The following PLCXD3 variants were observed in gnomAD, a reference collection of about 807,000 sequenced individuals.
PLCXD3 encodes PI-PLC X domain-containing protein 3.
PLCXD3 carries 19 observed loss-of-function variants against 25.5 expected under a neutral mutation model. The observed-to-expected ratio is 0.75, with a 90% CI of 0.52 to 1.09. The LOEUF (loss-of-function observed/expected upper bound fraction) is 1.09, where lower values mean the gene tolerates loss of function less well. Among genes scored for constraint, PLCXD3 ranks in the 50% least tolerant of loss-of-function variants. PLCXD3 has a pLI of 0.00. For synonymous variants in PLCXD3, 174 were observed against 137.6 expected (o/e 1.26, Z -1.85); for missense variants, 411 against 388.1 (o/e 1.06, Z -0.50).
intron 2 of PLCXD3, among the ~76,000 whole-genome samples, chr5:41,325,673 T>C (rs1012118695): frequency 6.6e-6 from 1 of 152,214 alleles, no homozygotes. Flanking sequence ...ATACTTGGTG[T>C]TGGACAGGTA....
chr5:41,457,736 A>G (rs747311760), intron 1 of PLCXD3, among the ~76,000 whole-genome samples: 16 of 152,026 alleles, frequency 1.1e-4, no homozygotes, highest in Non-Finnish European at 1.5e-4. Flanking sequence ...CTTAAAGCTG[A>G]TGAGGTACAT....
chr5:41,505,159 G>A (rs1003367117), intron 1 of PLCXD3, among the ~76,000 whole-genome samples: 23 of 152,102 alleles, frequency 1.5e-4, no homozygotes, highest in African/African-American at 5.6e-4. Context: ...TAAAGCTTAT[G>A]GGCCTTAACG....
At chr5:41,421,700 C>CA (rs1047374792) in intron 1 of PLCXD3, among the ~76,000 whole-genome samples, 3 of 151,884 alleles carry the variant, frequency 2.0e-5, no homozygotes, top group South Asian at 2.1e-4. Context: ...GACTCCTTCT[C>CA]AAAAAAACAA....
chr5:41,354,230 C>G (rs1744554611), intron 2 of PLCXD3, among the ~76,000 whole-genome samples: 2 of 152,182 alleles, frequency 1.3e-5, no homozygotes, highest in Non-Finnish European at 2.9e-5. Context: ...CCGGACTTCT[C>G]TCTGGATGCT....
chr5:41,510,512 C>T lies in PLCXD3; in HGVS notation c.15G>A (p.Gln5=), dbSNP rs774195589. The T allele has an allele frequency of 1.2e-6, 2 of 1,613,226 alleles. No homozygotes were observed. The highest frequency in any genetic ancestry group is 8.5e-7 in the Non-Finnish European group (1 of 1,179,514). The change falls in exon 1 of 3, where the codon CAG becomes CAA. Residue 5 remains glutamine (Q), a synonymous_variant. Coordinates refer to ENST00000377801, the MANE Select transcript of PLCXD3 (RefSeq NM_001005473.3). MASS[Q]GKNELKLADW... ...CGGCTAATTTCAGCTCGTTTTTCCCCTGAGACGAGGCCATCGTGCCAGTCG... is the reference window on the plus strand; with the variant it reads ...CGGCTAATTTCAGCTCGTTTTTCCCTTGAGACGAGGCCATCGTGCCAGTCG...
chr5:41,345,381 C>G (rs539986832), intron 2 of PLCXD3, among the ~76,000 whole-genome samples: 2 of 152,086 alleles, frequency 1.3e-5, no homozygotes, highest in African/African-American at 4.8e-5. Flanking sequence ...GAAATTGGAA[C>G]CCATTATGCT....
intron 1 of PLCXD3, among the ~76,000 whole-genome samples, chr5:41,428,242 ATAT>A (rs1027469720): frequency 1.1e-4 from 17 of 152,256 alleles, no homozygotes; most frequent in Non-Finnish European, 1.9e-4. Flanking sequence ...TGTATTAAAA[ATAT>A]TATTTCAACC....
chr5:41,385,541 A>C (rs937430151), intron 1 of PLCXD3, among the ~76,000 whole-genome samples: 1 of 152,098 alleles, frequency 6.6e-6, no homozygotes, highest in Non-Finnish European at 1.5e-5. Flanking sequence ...GTTTCTCCTC[A>C]GTGTGATAAA....
chr5:41,332,449 T>G (rs1743847136), intron 2 of PLCXD3, among the ~76,000 whole-genome samples: 1 of 152,000 alleles, frequency 6.6e-6, no homozygotes, highest in Non-Finnish European at 1.5e-5. Flanking sequence ...AAACAACAGG[T>G]GCTGGAGAGG....
At chr5:41,505,349 A>G (rs938808985) in intron 1 of PLCXD3, among the ~76,000 whole-genome samples, 3 of 152,218 alleles carry the variant, frequency 2.0e-5, no homozygotes, top group Non-Finnish European at 4.4e-5. Context: ...TATGCTTCAA[A>G]TAAATGAGAT....
At chr5:41,374,231 A>G (rs894521857) in intron 2 of PLCXD3, among the ~76,000 whole-genome samples, 4 of 152,080 alleles carry the variant, frequency 2.6e-5, no homozygotes, top group Admixed American at 2.6e-4. Context: ...TAAGAATGAA[A>G]CACTTTGAGC....
At chr5:41,323,663 C>A (rs927062479) in intron 2 of PLCXD3, among the ~76,000 whole-genome samples, 2 of 152,184 alleles carry the variant, frequency 1.3e-5, no homozygotes, top group Non-Finnish European at 2.9e-5. Flanking sequence ...CAATTAGATG[C>A]TGCTGAAGTA....
chr5:41,490,680 G>T (rs181158534), intron 1 of PLCXD3, among the ~76,000 whole-genome samples: 14 of 152,244 alleles, frequency 9.2e-5, no homozygotes, highest in African/African-American at 3.1e-4. Flanking sequence ...TATGTGTCGA[G>T]GAATTTATCC....
chr5:41,459,203 T>G (rs1198395810), intron 1 of PLCXD3, among the ~76,000 whole-genome samples: 1 of 151,950 alleles, frequency 6.6e-6, no homozygotes, highest in Admixed American at 6.6e-5. Flanking sequence ...AACATATTTT[T>G]AGACATTTTC....
In PLCXD3 at chr5:41,312,760, A is replaced by G. The variant is rs1371955826; in HGVS notation, c.*857T>C. ...TCTGTCTTTTTCTTTCATCAAGAGCATCATTAAGAGGGCTTTTTAAAGAGT... is the reference window on the plus strand; with the variant it reads ...TCTGTCTTTTTCTTTCATCAAGAGCGTCATTAAGAGGGCTTTTTAAAGAGT... On this transcript the variant is annotated 3_prime_UTR_variant, in exon 3 of 3. Transcript: ENST00000377801. 1 of 131,134 alleles carries G rather than the reference A, an allele frequency of 7.6e-6. No individual in the cohort carries two copies. Among genetic ancestry groups the G allele is most frequent in the African/African-American group, 2.9e-5 (1 of 34,700 alleles). 8.1% of individuals were successfully genotyped at this position (131,134 alleles called of 1,614,324 possible). A position where few individuals can be genotyped will look rare whatever the true frequency, so the allele number is the denominator to read the frequency against.
intron 1 of PLCXD3, among the ~76,000 whole-genome samples, chr5:41,419,025 T>C (rs1035860264): frequency 1.3e-5 from 2 of 152,176 alleles, no homozygotes; most frequent in African/African-American, 4.8e-5. Context: ...CAGCCCTCGA[T>C]TGTAGACAGT....
At position 41,506,943 on chromosome 5, in the gene PLCXD3, T is replaced by A. The variant is rs549632764; in HGVS notation, c.103+3481A>T. Among the ~76,000 whole-genome samples the A allele has an allele frequency of 6.6e-5, 10 of 151,758 alleles. 2 individuals are homozygous for A. The highest frequency in any genetic ancestry group is 2.4e-4 in the African/African-American group (10 of 41,110). On this transcript the variant is annotated intron_variant, in intron 1 of 2. Transcript: ENST00000377801. ...CAATATTTTATTATTTCATGGTCAG[T>A]TTGCTACACTATATGAAAAAGATTT...
chr5:41,337,763 A>G (rs904993543), intron 2 of PLCXD3, among the ~76,000 whole-genome samples: 8 of 152,130 alleles, frequency 5.3e-5, no homozygotes, highest in Non-Finnish European at 1.2e-4. Context: ...TCTGTTCTGT[A>G]AGAAAATAAT....
rs911777787 is a variant in PLCXD3 at position 41,310,042 on chromosome 5, G to A, written c.*3575C>T. The stretch of plus-strand genomic sequence containing the variant: ...TGTAATGTGTGTATGTGCACATACA[G>A]GTGTATACATGGCAAACATTTTATA... On this transcript the variant is annotated 3_prime_UTR_variant, in exon 3 of 3. Transcript: ENST00000377801. 1 of 152,020 alleles carries A rather than the reference G, an allele frequency of 6.6e-6. No individual in the cohort carries two copies. Among genetic ancestry groups the A allele is most frequent in the Non-Finnish European group, 1.5e-5 (1 of 67,970 alleles). 9.4% of individuals were successfully genotyped at this position (152,020 alleles called of 1,614,324 possible). A position where few individuals can be genotyped will look rare whatever the true frequency, so the allele number is the denominator to read the frequency against.
Sources: allele counts gnomAD v4.1 joint callset (sites outside exome capture counted in the v4.1 genomes callset), GRCh38; gene constraint gnomAD v4.1.1; transcripts MANE v1.5; gene names NCBI Gene and HGNC (gene_info 2026-07-23, HGNC 2026-07-21).